Variants in SMIM10L3 observed in about 807,000 individuals in gnomAD.
SMIM10L3 encodes small integral membrane protein 10 like 3, also known as salivary gland specific protein SAGSIN1.
the SMIM10L3 span, among the ~76,000 whole-genome samples, chr7:6,332,395 TC>T: frequency 6.6e-6 from 1 of 152,172 alleles, no homozygotes; most frequent in African/African-American, 2.4e-5. Flanking sequence ...CAGCTTTGCA[TC>T]TATCTGTAAA....
chr7:6,342,373 C>G, the SMIM10L3 span, among the ~76,000 whole-genome samples: 106 of 151,536 alleles, frequency 7.0e-4, no homozygotes, highest in Middle Eastern at 3.4e-3. Context: ...GGCAAAACCC[C>G]GACTCTACTA....
At chr7:6,342,363 G>T in the SMIM10L3 span, among the ~76,000 whole-genome samples, 1 of 151,708 alleles carries the variant, frequency 6.6e-6, no homozygotes, top group Non-Finnish European at 1.5e-5. Flanking sequence ...CAGCTAACAT[G>T]GCAAAACCCC....
At chr7:6,330,674 C>G in the SMIM10L3 span, 857,374 of 1,613,648 alleles carry the variant, frequency 0.53, 238,766 homozygotes, top group East Asian at 0.91. Flanking sequence ...ATTTCCGGCA[C>G]TTTTTGATGG....
At chr7:6,343,292 G>A in the SMIM10L3 span, among the ~76,000 whole-genome samples, 3,411 of 150,424 alleles carry the variant, frequency 0.023, 65 homozygotes, top group Middle Eastern at 0.055. Context: ...CAGGAGAATC[G>A]CTTGAACCTG....
chr7:6,337,091 C>T, the SMIM10L3 span, among the ~76,000 whole-genome samples: 2 of 146,802 alleles, frequency 1.4e-5, no homozygotes, highest in Non-Finnish European at 3.0e-5. Context: ...TTTTTTGAGA[C>T]AAGAGTCTCT....
chr7:6,345,198 T>C, the SMIM10L3 span, among the ~76,000 whole-genome samples: 117 of 151,638 alleles, frequency 7.7e-4, no homozygotes, highest in African/African-American at 2.7e-3. Context: ...GCTCACTGCA[T>C]CTTCGGCCTC....
At chr7:6,341,390 G>A in the SMIM10L3 span, among the ~76,000 whole-genome samples, 1 of 144,632 alleles carries the variant, frequency 6.9e-6, no homozygotes, top group Admixed American at 6.9e-5. Flanking sequence ...TGCAGTGAGC[G>A]GAGATCGCGC....
the SMIM10L3 span, chr7:6,330,464 G>T: frequency 5.6e-6 from 9 of 1,614,134 alleles, no homozygotes; most frequent in Middle Eastern, 1.6e-4. Flanking sequence ...GTGCTTTTAA[G>T]CATTTTCTTG....
the SMIM10L3 span, among the ~76,000 whole-genome samples, chr7:6,346,345 CAAAAT>C: frequency 6.6e-6 from 1 of 152,082 alleles, no homozygotes; most frequent in East Asian, 1.9e-4. Context: ...ATTTGGACCT[CAAAAT>C]AAAGAGGCCA....
the SMIM10L3 span, among the ~76,000 whole-genome samples, chr7:6,341,446 AAAT>A: frequency 4.0e-4 from 57 of 140,794 alleles, no homozygotes; most frequent in African/African-American, 1.2e-3. Flanking sequence ...TGTCTCAAAA[AAAT>A]AATAATAATA....
At chr7:6,332,113 G>GA in the SMIM10L3 span, among the ~76,000 whole-genome samples, 2,068 of 129,018 alleles carry the variant, frequency 0.016, 27 homozygotes, top group African/African-American at 0.027. Flanking sequence ...CCATCTCACG[G>GA]AAAAAAAAAA....
At chr7:6,334,336 G>C in the SMIM10L3 span, among the ~76,000 whole-genome samples, 1 of 151,270 alleles carries the variant, frequency 6.6e-6, no homozygotes, top group African/African-American at 2.4e-5. Context: ...AGGAGTTCAA[G>C]ACCAGCCTGA....
the SMIM10L3 span, among the ~76,000 whole-genome samples, chr7:6,331,843 C>T: frequency 4.4e-4 from 66 of 149,114 alleles, no homozygotes; most frequent in South Asian, 0.012. Context: ...CAGGTTCGAG[C>T]GATTCTCCTG....
the SMIM10L3 span, among the ~76,000 whole-genome samples, chr7:6,334,613 C>T: frequency 6.7e-6 from 1 of 150,360 alleles, no homozygotes; most frequent in Non-Finnish European, 1.5e-5. Context: ...ACTACAGGTG[C>T]ACACCGCCAC....
At chr7:6,346,905 A>G in the SMIM10L3 span, among the ~76,000 whole-genome samples, 6 of 152,282 alleles carry the variant, frequency 3.9e-5, no homozygotes, top group Middle Eastern at 3.4e-3. Flanking sequence ...GTCCAACTGT[A>G]AACTCCCCAA....
chr7:6,340,086 T>C, the SMIM10L3 span, among the ~76,000 whole-genome samples: 1 of 151,602 alleles, frequency 6.6e-6, no homozygotes, highest in Non-Finnish European at 1.5e-5. Flanking sequence ...GGTTTCTCCA[T>C]GTTGACCAGG....
At chr7:6,341,041 G>A in the SMIM10L3 span, among the ~76,000 whole-genome samples, 2 of 151,706 alleles carry the variant, frequency 1.3e-5, no homozygotes, top group Non-Finnish European at 2.9e-5. Context: ...CTACTCGGGA[G>A]GCTGAGGCAG....
chr7:6,333,619 C>G, the SMIM10L3 span, among the ~76,000 whole-genome samples: 1 of 151,942 alleles, frequency 6.6e-6, no homozygotes, highest in Non-Finnish European at 1.5e-5. Flanking sequence ...CTAATTCAGC[C>G]TCCTGTGTCA....
At chr7:6,331,840 G>C in the SMIM10L3 span, among the ~76,000 whole-genome samples, 2 of 148,620 alleles carry the variant, frequency 1.3e-5, no homozygotes, top group African/African-American at 2.5e-5. Context: ...TCTCAGGTTC[G>C]AGCGATTCTC....
Sources: gnomAD v4.1 joint callset for allele counts (sites outside exome capture counted in the v4.1 genomes callset) on GRCh38, gnomAD v4.1.1 for gene constraint, MANE v1.5 for transcripts, NCBI Gene and HGNC (gene_info 2026-07-23, HGNC 2026-07-21) for gene names.